The following PUDP variants were observed in gnomAD, a reference collection of about 807,000 sequenced individuals.
The protein encoded by PUDP is pseudouridine 5'-phosphatase.
PUDP carries 8 observed loss-of-function variants against 9.4 expected under a neutral mutation model. The ratio of observed to expected loss-of-function variants is 0.85; its 90% CI spans 0.50 to 1.53. The LOEUF (loss-of-function observed/expected upper bound fraction) is 1.53. Ranked by LOEUF, PUDP falls within the 40% of genes most tolerant of loss-of-function variation. PUDP has a pLI of 0.00. For synonymous variants in PUDP, 99 were observed against 80.7 expected, an observed-to-expected ratio of 1.23 and a Z score of -1.22; for missense variants, 188 against 189.7, an observed-to-expected ratio of 0.99 and a Z score of 0.05.
rs3046297 is a variant in PUDP at position 6,733,770 on chromosome X, C to CTTTTTTTT, written c.*248-27312_*248-27305dup. 5.8e-4 allele frequency among the ~76,000 whole-genome samples: 27 copies of CTTTTTTTT among 46,253 alleles called. 1 individual carries two copies. Among genetic ancestry groups the CTTTTTTTT allele is most frequent in the Admixed American group, 1.1e-3 (3 of 2,679 alleles). 40.2% of individuals were successfully genotyped at this position (46,253 alleles called of 115,157 possible). A position where few individuals can be genotyped will look rare whatever the true frequency, so the allele number is the denominator to read the frequency against. On this transcript the variant is annotated intron_variant and NMD_transcript_variant, in intron 3 of 3. Coordinates refer to the PUDP transcript ENST00000655425. ...ACTCGGAGCTGCCCTAAAGCAAAGC[C>CTTTTTTTT]TTTTTTTTTTTTTTTTTTTTTTTTT...
rs191374732 is a variant in PUDP at position 7,032,336 on chromosome X, T to C, written c.204+44884A>G. On this transcript the variant is annotated intron_variant and NMD_transcript_variant, in intron 1 of 3. Transcript: ENST00000655425. Reference sequence around the variant, plus strand: ...GCAACCACTTTTAATAACTACCCTATGGCTCAACAATTCCACTTATAGATA... The same window carrying C: ...GCAACCACTTTTAATAACTACCCTACGGCTCAACAATTCCACTTATAGATA... 2.2e-3 allele frequency among the ~76,000 whole-genome samples: 246 copies of C among 112,010 alleles called. 3 individuals carry two copies. Among genetic ancestry groups the C allele is most frequent in the African/African-American group, 7.5e-3 (233 of 30,870 alleles).
At chrX:6,744,258 T>C (rs889971204) in intron 3 of PUDP, among the ~76,000 whole-genome samples, 1 of 112,291 alleles carries the variant, frequency 8.9e-6, no homozygotes, top group Non-Finnish European at 1.9e-5. Context: ...AGCAAGAATG[T>C]TAAAAATGTT....
chrX:6,731,106 G>A lies in PUDP; in HGVS notation c.*248-24640C>T, dbSNP rs775180857. 1.9e-4 allele frequency among the ~76,000 whole-genome samples: 21 copies of A among 111,511 alleles called. No homozygotes were observed. In the South Asian group the frequency reaches 8.0e-3, roughly 43 times the overall value. ...TTTTTTAGACACAGGGTCTCACACT[G>A]TTGCCCAGGCCAGAGTGCAGTGGTG... On this transcript the variant is annotated intron_variant and NMD_transcript_variant, in intron 3 of 3. Coordinates refer to the PUDP transcript ENST00000655425.
At chrX:6,798,708 G>A (rs760216780) in intron 3 of PUDP, among the ~76,000 whole-genome samples, 1 of 112,235 alleles carries the variant, frequency 8.9e-6, no homozygotes, top group South Asian at 3.7e-4. Context: ...TAATGGTTAA[G>A]TAAATTATGC....
chrX:6,822,551 C>G (rs759849196), intron 3 of PUDP, among the ~76,000 whole-genome samples: 8 of 111,913 alleles, frequency 7.1e-5, no homozygotes, highest in Non-Finnish European at 1.5e-4. Flanking sequence ...CTCAGCCTCC[C>G]GAGTAGCTGG....
intron 3 of PUDP, among the ~76,000 whole-genome samples, chrX:6,863,195 A>G (rs769635432): frequency 3.6e-5 from 4 of 112,088 alleles, no homozygotes; most frequent in Non-Finnish European, 7.5e-5. Flanking sequence ...GACTACAGGC[A>G]TGTGCAACAG....
chrX:6,750,774 C>G (rs1480352372), intron 3 of PUDP, among the ~76,000 whole-genome samples: 1 of 111,683 alleles, frequency 9.0e-6, no homozygotes, highest in Non-Finnish European at 1.9e-5. Context: ...AACAGGAAGA[C>G]CTGAAGGATA....
intron 2 of PUDP, among the ~76,000 whole-genome samples, chrX:7,089,017 T>C (rs1483422572): frequency 8.9e-6 from 1 of 111,885 alleles, no homozygotes; most frequent in Non-Finnish European, 1.9e-5. Context: ...TCTAAGCCTC[T>C]TGAAAGGGAG....
upstream of PUDP, among the ~76,000 whole-genome samples, chrX:6,723,830 T>C (rs1924706582): frequency 8.9e-6 from 1 of 112,061 alleles, no homozygotes; most frequent in Admixed American, 9.5e-5. Context: ...TTCAACTGTA[T>C]ATATTATATT....
In PUDP at chrX:7,050,222, G is replaced by T; in HGVS notation, c.*74C>A. Reference sequence around the variant, plus strand: ...CGCAGGTTGGGATTGAAGAGTTGCTGATTTCCTTTCCCTTTCCCCCAGCAG... The same window carrying T: ...CGCAGGTTGGGATTGAAGAGTTGCTTATTTCCTTTCCCTTTCCCCCAGCAG... On this transcript the variant is annotated 3_prime_UTR_variant, in exon 4 of 4. Transcript: ENST00000381077. The T allele has an allele frequency of 9.6e-7, 1 of 1,037,059 alleles. No homozygotes were observed. Among genetic ancestry groups the T allele is most frequent in the South Asian group, 2.3e-5 (1 of 43,312 alleles). 85.5% of individuals were successfully genotyped at this position (1,037,059 alleles called of 1,213,427 possible). A position where few individuals can be genotyped will look rare whatever the true frequency, so the allele number is the denominator to read the frequency against.
chrX:7,132,004 G>A (rs1932632687), intron 1 of PUDP, among the ~76,000 whole-genome samples: 1 of 110,143 alleles, frequency 9.1e-6, no homozygotes, highest in African/African-American at 3.3e-5. Context: ...CCTTTTCCTG[G>A]CTCCCAAGAA....
intron 1 of PUDP, among the ~76,000 whole-genome samples, chrX:6,708,903 T>C (rs914366940): frequency 8.9e-6 from 1 of 111,879 alleles, no homozygotes; most frequent in Admixed American, 9.5e-5. Context: ...ACTAATCTAC[T>C]CAGTTTTAAA....
At chrX:6,988,208 C>T (rs916290206) in intron 1 of PUDP, among the ~76,000 whole-genome samples, 2 of 111,881 alleles carry the variant, frequency 1.8e-5, no homozygotes, top group Non-Finnish European at 3.8e-5. Context: ...TTTCTCGAAA[C>T]CCAGCGAGGT....
rs775111753 is a variant in PUDP, at chrX:6,943,570, T to C, written c.*247+33563A>G. 5.0e-4 allele frequency among the ~76,000 whole-genome samples: 56 copies of C among 111,943 alleles called. 1 individual carries two copies. Among genetic ancestry groups the C allele is most frequent in the East Asian group, 1.7e-3 (6 of 3,575 alleles). ...GATCCAGTGTGAGATGTTGAAAAAG[T>C]AGGCAATATTTACCCTAAATACAAG... On this transcript the variant is annotated intron_variant and NMD_transcript_variant, in intron 3 of 3. Transcript: ENST00000655425.
intron 3 of PUDP, among the ~76,000 whole-genome samples, chrX:6,817,262 A>G (rs1926266912): frequency 9.1e-6 from 1 of 109,382 alleles, no homozygotes; most frequent in African/African-American, 3.3e-5. Context: ...TTTCAGAGAT[A>G]CGGGATCACT....
rs1342476337 is a variant in PUDP at position 6,983,294 on chromosome X, C to T, written c.205-4951G>A. 8.1e-5 allele frequency among the ~76,000 whole-genome samples: 9 copies of T among 111,090 alleles called. No homozygotes were observed. The East Asian group carries it at 1.1e-3, about 14-fold the overall frequency. ...TTTGGTGGGTAGGGGGACAGTGAAT[C>T]GGGAGTGTTGATTGGTTGGCTTGGG... On this transcript the variant is annotated intron_variant and NMD_transcript_variant, in intron 1 of 3. Coordinates refer to the PUDP transcript ENST00000655425.
chrX:6,931,871 A>AAAC (rs1326621474), intron 3 of PUDP, among the ~76,000 whole-genome samples: 1 of 111,353 alleles, frequency 9.0e-6, no homozygotes, highest in Non-Finnish European at 1.9e-5. Context: ...AAAAACAAAC[A>AAAC]AACAACAACA....
intron 1 of PUDP, among the ~76,000 whole-genome samples, chrX:7,004,964 G>A (rs1929380607): frequency 1.8e-5 from 2 of 112,017 alleles, no homozygotes; most frequent in Admixed American, 9.4e-5. Context: ...CTAAAGTTCT[G>A]ACAAAAAGGA....
chrX:6,740,220 G>A (rs770234007), intron 3 of PUDP, among the ~76,000 whole-genome samples: 2 of 111,212 alleles, frequency 1.8e-5, no homozygotes, highest in Admixed American at 1.9e-4. Flanking sequence ...ATGCAGCACT[G>A]GTGTTTGTTA....
Sources: gnomAD v4.1 joint callset for allele counts (sites outside exome capture counted in the v4.1 genomes callset) on GRCh38, gnomAD v4.1.1 for gene constraint, MANE v1.5 for transcripts, NCBI Gene and HGNC (gene_info 2026-07-23, HGNC 2026-07-21) for gene names.